GMDS: variants seen among roughly 807,000 people sequenced by gnomAD.
GMDS encodes GDP-mannose 4,6 dehydratase.
GMDS carries 20 observed loss-of-function variants against 49.9 expected under a neutral mutation model. The observed-to-expected ratio is 0.40, with a 90% CI of 0.28 to 0.58. GMDS has a LOEUF of 0.58. Ranked by LOEUF, GMDS falls within the 20% of genes least tolerant of loss-of-function variation. The pLI is 0.42. For synonymous variants in GMDS, 177 were observed against 178.6 expected (o/e 0.99, Z 0.07); for missense variants, 362 against 481.4 (o/e 0.75, Z 2.32).
chr6:1,726,428 C>T lies in GMDS; in HGVS notation c.975G>A (p.Arg325=). The T allele has an allele frequency of 6.2e-7, 1 of 1,611,712 alleles. No individual in the cohort carries two copies. The highest frequency in any genetic ancestry group is 1.3e-5 in the African/African-American group (1 of 75,008). ...VHVTVDLKYY[R]PTEVDFLQGD... ...AGAGAGTCCTTACCACTTCAGTTGGCCGGTAGTACTTGAGATCCACAGTCA... is the reference window on the plus strand; with the variant it reads ...AGAGAGTCCTTACCACTTCAGTTGGTCGGTAGTACTTGAGATCCACAGTCA... The change falls in exon 9 of 11, where the codon CGG becomes CGA. Residue 325 remains arginine, a synonymous_variant. Coordinates refer to ENST00000380815, the MANE Select transcript of GMDS (RefSeq NM_001500.4).
intron 7 of GMDS, among the ~76,000 whole-genome samples, chr6:1,843,723 G>A (rs976885617): frequency 7.2e-5 from 11 of 152,184 alleles, no homozygotes; most frequent in Non-Finnish European, 1.5e-4. Flanking sequence ...AGCAGAGATC[G>A]TGCCACTGCA....
At chr6:1,949,706 C>T (rs964338436) in intron 6 of GMDS, among the ~76,000 whole-genome samples, 1 of 152,142 alleles carries the variant, frequency 6.6e-6, no homozygotes, top group African/African-American at 2.4e-5. Flanking sequence ...CAATGGTAAA[C>T]CAGATGATGT....
chr6:1,768,373 C>G (rs996302388), intron 7 of GMDS, among the ~76,000 whole-genome samples: 1 of 152,140 alleles, frequency 6.6e-6, no homozygotes, highest in African/African-American at 2.4e-5. Flanking sequence ...GCATTTGCTT[C>G]TAAAAATTTA....
chr6:1,629,786 C>T (rs1214413691), intron 9 of GMDS, among the ~76,000 whole-genome samples: 5 of 152,214 alleles, frequency 3.3e-5, no homozygotes, highest in Middle Eastern at 3.2e-3. Context: ...TCCCACTTTT[C>T]TGATGGGATC....
At chr6:1,737,245 A>G (rs1354829302) in intron 8 of GMDS, among the ~76,000 whole-genome samples, 5 of 152,198 alleles carry the variant, frequency 3.3e-5, no homozygotes, top group Non-Finnish European at 7.3e-5. Flanking sequence ...CAACGACAAC[A>G]AGCAGCAGAT....
intron 1 of GMDS, among the ~76,000 whole-genome samples, chr6:2,138,652 G>T (rs574023185): frequency 1.9e-3 from 284 of 152,312 alleles, no homozygotes; most frequent in Non-Finnish European, 2.9e-3. Flanking sequence ...GCAGAACTGA[G>T]AGCCAAATAA....
chr6:2,005,194 CT>C (rs1229385392), intron 4 of GMDS, among the ~76,000 whole-genome samples: 8 of 152,086 alleles, frequency 5.3e-5, no homozygotes, highest in Non-Finnish European at 1.0e-4. Flanking sequence ...TCTGGAATAG[CT>C]CAAGTCCTTA....
chr6:2,186,254 T>G (rs1778774737), intron 1 of GMDS, among the ~76,000 whole-genome samples: 2 of 152,258 alleles, frequency 1.3e-5, no homozygotes, highest in African/African-American at 4.8e-5. Flanking sequence ...ATGTACAATG[T>G]TAATAGAATA....
At chr6:2,096,653 A>G (rs1309388067) in intron 4 of GMDS, among the ~76,000 whole-genome samples, 1 of 152,228 alleles carries the variant, frequency 6.6e-6, no homozygotes, top group African/African-American at 2.4e-5. Flanking sequence ...GGAAGTCCAC[A>G]TATTACTCAG....
In GMDS at chr6:1,696,009, G is replaced by A. The variant is rs116734022; in HGVS notation, c.987+30407C>T. ...CACCAAGTTGAACCCACGTGGACCA[G>A]CTTTGACGATGAAGCTACAGGCAGC... On this transcript the variant is annotated intron_variant, in intron 9 of 10. Coordinates refer to ENST00000380815, the MANE Select transcript of GMDS (RefSeq NM_001500.4). 6.2e-3 allele frequency among the ~76,000 whole-genome samples: 931 copies of A among 149,290 alleles called. 6 individuals carry two copies. The highest frequency in any genetic ancestry group is 0.022 in the African/African-American group (885 of 40,262).
intron 4 of GMDS, among the ~76,000 whole-genome samples, chr6:2,034,089 T>C (rs1201490799): frequency 2.6e-5 from 4 of 152,222 alleles, no homozygotes; most frequent in African/African-American, 4.8e-5. Context: ...TAGATATATG[T>C]ATATGCATAT....
chr6:1,635,257 T>G lies in GMDS; in HGVS notation c.988-10717A>C, dbSNP rs1365272265. On this transcript the variant is annotated intron_variant, in intron 9 of 10. Transcript: ENST00000380815. This position sits in a 1 kb window ranked among gnomAD's most constrained non-coding sequence, Gnocchi z 4.7. ...CTTAGCTCTGGGAAAGGGGCTCCGT[T>G]TCACATGTCCTGGCTATGCTCCTGT... Among the ~76,000 whole-genome samples the G allele has an allele frequency of 2.6e-5, 4 of 152,160 alleles. No individual in the cohort carries two copies. Among genetic ancestry groups the G allele is most frequent in the African/African-American group, 9.7e-5 (4 of 41,436 alleles).
chr6:2,022,222 T>C (rs889850536), intron 4 of GMDS, among the ~76,000 whole-genome samples: 3 of 151,820 alleles, frequency 2.0e-5, no homozygotes, highest in Non-Finnish European at 2.9e-5. Flanking sequence ...GAAAATCTCA[T>C]AGGAGGGTAA....
intron 6 of GMDS, among the ~76,000 whole-genome samples, chr6:1,956,976 T>C (rs1763673371): frequency 6.6e-6 from 1 of 152,062 alleles, no homozygotes; most frequent in African/African-American, 2.4e-5. Context: ...TAATTTTTTG[T>C]ATTTTTAGTA....
chr6:1,689,393 G>C (rs1765093460), intron 9 of GMDS, among the ~76,000 whole-genome samples: 1 of 152,184 alleles, frequency 6.6e-6, no homozygotes, highest in African/African-American at 2.4e-5. Context: ...TTCATTCTTT[G>C]AATGATCTGT....
intron 7 of GMDS, among the ~76,000 whole-genome samples, chr6:1,826,412 A>G (rs1018504322): frequency 2.6e-5 from 4 of 152,228 alleles, no homozygotes; most frequent in Non-Finnish European, 5.9e-5. Flanking sequence ...AAATTTACAA[A>G]TAGACATAAA....
chr6:1,958,539 C>T (rs935310942), intron 6 of GMDS, among the ~76,000 whole-genome samples: 1 of 152,156 alleles, frequency 6.6e-6, no homozygotes, highest in African/African-American at 2.4e-5. Context: ...ATTTGTTTTC[C>T]TTTCAGGCAA....
chr6:1,784,243 T>C (rs1769222932), intron 7 of GMDS, among the ~76,000 whole-genome samples: 1 of 151,680 alleles, frequency 6.6e-6, no homozygotes, highest in South Asian at 2.1e-4. Context: ...AATATAAAAA[T>C]TGGCTGGGTG....
intron 8 of GMDS, among the ~76,000 whole-genome samples, chr6:1,732,467 C>T (rs182739031): frequency 6.6e-5 from 10 of 152,066 alleles, no homozygotes; most frequent in East Asian, 5.8e-4. Context: ...ATTAAGAGAA[C>T]GGAGGGATGG....
Sources: gnomAD v4.1 joint callset for allele counts (sites outside exome capture counted in the v4.1 genomes callset) on GRCh38, gnomAD v4.1.1 for gene constraint, Gnocchi (gnomAD v3.1) non-coding constraint, MANE v1.5 for transcripts, NCBI Gene and HGNC (gene_info 2026-07-23, HGNC 2026-07-21) for gene names.